NPHS2: variants seen among roughly 807,000 people sequenced by gnomAD.
NPHS2 encodes NPHS2 stomatin family member, podocin, also known as podocin.
A neutral mutation model predicts 37.1 loss-of-function variants in NPHS2; 36 were observed. The observed-to-expected ratio is 0.97, with a 90% CI of 0.74 to 1.28. The LOEUF (loss-of-function observed/expected upper bound fraction) is 1.28. Ranked by LOEUF, NPHS2 falls within the 50% of genes most tolerant of loss-of-function variation. The probability of loss-of-function intolerance (pLI) is 0.00; values close to 1 mark genes in which losing one functional copy is unlikely to be tolerated. For synonymous variants in NPHS2, 196 were observed against 189.3 expected (o/e 1.04, Z -0.29); for missense variants, 447 against 488.1 (o/e 0.92, Z 0.79).
rs1674173043 is a variant in NPHS2, at chr1:179,562,316, T to C, written c.379-955A>G. Among the ~76,000 whole-genome samples the C allele has an allele frequency of 2.6e-5, 4 of 152,234 alleles. No individual in the cohort carries two copies. The South Asian group carries it at 8.3e-4, about 31-fold the overall frequency. ...GAATCTGAGTTCAATTGCGTGTTTA[T>C]CACTGATTTAACTTGGTCTGCTTAT... On this transcript the variant is annotated intron_variant, in intron 2 of 7. Transcript: ENST00000367615.
chr1:179,566,998 T>TG (rs199642250), intron 1 of NPHS2, among the ~76,000 whole-genome samples: 35,880 of 152,144 alleles, frequency 0.24, 4,796 homozygotes, highest in East Asian at 0.37. Context: ...TCAGGTAGTG[T>TG]GATGCCTCCA....
At chr1:179,569,096 T>C (rs2101877993) in intron 1 of NPHS2, among the ~76,000 whole-genome samples, 1 of 152,330 alleles carries the variant, frequency 6.6e-6, no homozygotes, top group Admixed American at 6.5e-5. Flanking sequence ...GTTCTGGTCC[T>C]GGATATCCTT....
intron 1 of NPHS2, among the ~76,000 whole-genome samples, chr1:179,567,767 T>A (rs1218756739): frequency 1.3e-5 from 2 of 152,224 alleles, no homozygotes; most frequent in African/African-American, 2.4e-5. Flanking sequence ...TGAGAGTTTT[T>A]AGCATGAAGG....
At chr1:179,574,725 C>T (rs1674688493) in intron 1 of NPHS2, among the ~76,000 whole-genome samples, 1 of 152,224 alleles carries the variant, frequency 6.6e-6, no homozygotes, top group African/African-American at 2.4e-5. Flanking sequence ...ATATAACACA[C>T]TATTCCTTAT....
At chr1:179,555,588 G>A (rs546037115) in intron 5 of NPHS2, among the ~76,000 whole-genome samples, 1 of 152,310 alleles carries the variant, frequency 6.6e-6, no homozygotes, top group South Asian at 2.1e-4. Flanking sequence ...GTGTGGGTGA[G>A]AGTAAGGAAT....
At chr1:179,573,124 A>T (rs1674625335) in intron 1 of NPHS2, among the ~76,000 whole-genome samples, 1 of 152,226 alleles carries the variant, frequency 6.6e-6, no homozygotes, top group South Asian at 2.1e-4. Flanking sequence ...GAGCTATGGC[A>T]CCTGGCCTAA....
intron 6 of NPHS2, 38 bp from the exon 7 acceptor site, chr1:179,552,719 C>T: frequency 2.0e-6 from 3 of 1,534,626 alleles, no homozygotes; most frequent in Non-Finnish European, 2.7e-6. Context: ...GGTGTGCAGC[C>T]ATGATTTAGG....
intron 1 of NPHS2, among the ~76,000 whole-genome samples, chr1:179,565,165 G>A (rs564804730): frequency 2.6e-5 from 4 of 152,162 alleles, no homozygotes; most frequent in African/African-American, 4.8e-5. Flanking sequence ...TTCCAGCTAC[G>A]CAGGAGGCTG....
intron 6 of NPHS2, among the ~76,000 whole-genome samples, 190 bp downstream of exon 6, chr1:179,554,286 A>C (rs1673750213): frequency 6.6e-6 from 1 of 152,188 alleles, no homozygotes; most frequent in Non-Finnish European, 1.5e-5. Context: ...TAATCAGAGT[A>C]ATTTGTCCAA....
chr1:179,575,366 G>A (rs1466927694), intron 1 of NPHS2, among the ~76,000 whole-genome samples: 1 of 152,096 alleles, frequency 6.6e-6, no homozygotes, highest in African/African-American at 2.4e-5. Flanking sequence ...TCCAAGGCTG[G>A]CCCCGAGACC....
In NPHS2 at chr1:179,557,074, G is replaced by C; in HGVS notation, c.691C>G (p.Leu231Val). The change falls in exon 5 of 8, where the codon CTC becomes GTC. Residue 231 changes from leucine to valine, a missense_variant. Coordinates refer to ENST00000367615, the MANE Select transcript of NPHS2 (RefSeq NM_014625.4). ...TTCCTCTCTAGAAGAATTTCAGTGA[G>C]GGATCGATGTGCTAGGAGACGCTTC... ...TMKRLLAHRS[L>V]TEILLERKSI... is the part of the protein sequence containing the mutation. 6.2e-7 allele frequency: 1 copy of C among 1,614,050 alleles called. No individual in the cohort carries two copies. The highest frequency in any genetic ancestry group is 1.1e-5 in the South Asian group (1 of 91,074).
At chr1:179,575,336 A>C (rs1674715626) in intron 1 of NPHS2, among the ~76,000 whole-genome samples, 1 of 151,962 alleles carries the variant, frequency 6.6e-6, no homozygotes, top group Admixed American at 6.5e-5. Context: ...AACCTGTACC[A>C]CACTCGCTCC....
intron 4 of NPHS2, among the ~76,000 whole-genome samples, chr1:179,558,246 T>C (rs1014234876): frequency 1.4e-4 from 22 of 151,890 alleles, no homozygotes; most frequent in Non-Finnish European, 2.5e-4. Context: ...TTTCTCCTTC[T>C]CTCAACCCCT....
At position 179,569,400 on chromosome 1, in the gene NPHS2, T is replaced by C. The variant is rs575801461; in HGVS notation, c.275-4607A>G. Among the ~76,000 whole-genome samples the C allele has an allele frequency of 4.6e-5, 7 of 152,298 alleles. No homozygotes were observed. The South Asian group carries it at 1.5e-3, about 32-fold the overall frequency. On this transcript the variant is annotated intron_variant, in intron 1 of 7. Transcript: ENST00000367615. ...TTTCGCTTTCCATTTCCTTGGTAGA[T>C]CTTTCTCCATTCCTTTATTTTGAGC...
rs145804124 is a variant in NPHS2 at position 179,559,008 on chromosome 1, C to T, written c.534+671G>A. Among the ~76,000 whole-genome samples the T allele has an allele frequency of 1.1e-3, 166 of 151,372 alleles. 1 individual carries two copies. The highest frequency in any genetic ancestry group is 3.6e-3 in the African/African-American group (150 of 41,466). On this transcript the variant is annotated intron_variant, in intron 4 of 7. Coordinates refer to ENST00000367615, the MANE Select transcript of NPHS2 (RefSeq NM_014625.4). ...TCATACATATATATGTACACACACA[C>T]GTACACATATAGGTATGCTGGGGTG...
At chr1:179,571,531 C>G (rs1050045153) in intron 1 of NPHS2, among the ~76,000 whole-genome samples, 6 of 152,188 alleles carry the variant, frequency 3.9e-5, no homozygotes, top group African/African-American at 1.4e-4. Flanking sequence ...GGTCAGGGAC[C>G]CACTTGAGGG....
chr1:179,554,749 G>A, intron 5 of NPHS2: 2 of 629,826 alleles, frequency 3.2e-6, no homozygotes, highest in South Asian at 1.9e-5. Flanking sequence ...GGTGTGGTAT[G>A]CTGAATAATG....
intron 2 of NPHS2, among the ~76,000 whole-genome samples, chr1:179,563,708 C>G (rs756961670): frequency 1.3e-5 from 2 of 152,118 alleles, no homozygotes; most frequent in Non-Finnish European, 2.9e-5. Context: ...ACAACATACT[C>G]TAACCAATGG....
intron 4 of NPHS2, 118 bp downstream of exon 4, chr1:179,559,561 T>C: frequency 1.4e-6 from 1 of 722,094 alleles, no homozygotes; most frequent in South Asian, 1.5e-5. Context: ...TTTTAAGTTA[T>C]GATGTAGTCC....
Sources: allele counts gnomAD v4.1 joint callset (sites outside exome capture counted in the v4.1 genomes callset), GRCh38; gene constraint gnomAD v4.1.1; transcripts MANE v1.5; gene names NCBI Gene and HGNC (gene_info 2026-07-23, HGNC 2026-07-21).